GHITM: variants seen among roughly 807,000 people sequenced by gnomAD.
The protein encoded by GHITM is growth hormone inducible transmembrane protein.
In GHITM, 24 loss-of-function variants were observed where a neutral mutation model predicts 38.7. That is an observed-to-expected ratio of 0.62 (90% CI 0.45 to 0.87). The LOEUF (loss-of-function observed/expected upper bound fraction) is 0.87, where lower values mean the gene tolerates loss of function less well. Among genes scored for constraint, GHITM ranks in the 40% least tolerant of loss-of-function variants. The pLI is 0.00. For missense variants in GHITM, 420 were observed against 429.8 expected, an observed-to-expected ratio of 0.98 and a Z score of 0.20; for synonymous variants, 154 against 147.8, an observed-to-expected ratio of 1.04 and a Z score of -0.30.
intron 6 of GHITM, 86 bp from the exon 7 acceptor site, chr10:84,149,969 A>T: frequency 1.9e-6 from 2 of 1,067,410 alleles, no homozygotes; most frequent in Non-Finnish European, 1.3e-6. Flanking sequence ...ACAGTAAGGT[A>T]TAATATAAAG....
intron 4 of GHITM, 139 bp downstream of exon 4, chr10:84,144,245 A>T: frequency 1.8e-6 from 1 of 568,010 alleles, no homozygotes; most frequent in Non-Finnish European, 3.2e-6. Context: ...CAAATAGAGA[A>T]TCTCTTTTTG....
chr10:84,141,562 T>C lies in GHITM; in HGVS notation c.62T>C (p.Phe21Ser). 6.2e-7 allele frequency: 1 copy of C among 1,613,686 alleles called. No individual in the cohort carries two copies. ...CCTTCTAGGGTTTTCCACCCAGCTT[T>C]CACCAAGGCCTCCCCTGTTGTGAAG... ...TLPSRVFHPA[F>S]TKASPVVKNS... Residue 21 changes from phenylalanine to serine, a missense_variant, in exon 2 of 9, where the codon TTC becomes TCC. Transcript: ENST00000372134.
At chr10:84,149,515 A>T (rs1841589883) in intron 6 of GHITM, among the ~76,000 whole-genome samples, 1 of 151,930 alleles carries the variant, frequency 6.6e-6, no homozygotes, top group African/African-American at 2.4e-5. Flanking sequence ...AGTTCCATTT[A>T]CCTTTGTTGA....
chr10:84,147,022 A>G (rs1841563196), intron 5 of GHITM, among the ~76,000 whole-genome samples: 1 of 152,212 alleles, frequency 6.6e-6, no homozygotes, highest in South Asian at 2.1e-4. Flanking sequence ...TCGACCAGAT[A>G]TGGAAGGAGA....
intron 8 of GHITM, among the ~76,000 whole-genome samples, chr10:84,151,717 A>G (rs1378952365): frequency 6.6e-6 from 1 of 152,144 alleles, no homozygotes; most frequent in East Asian, 1.9e-4. Flanking sequence ...GAGTCGACCA[A>G]AGTGGGTTAT....
intron 1 of GHITM, 123 bp from the exon 2 acceptor site, chr10:84,141,339 T>C: frequency 1.7e-6 from 1 of 588,810 alleles, no homozygotes; most frequent in Non-Finnish European, 3.0e-6. Flanking sequence ...GTCGCTTTAT[T>C]TCCTGTTCTA....
chr10:84,144,365 GTTTT>G (rs146207902), intron 4 of GHITM, among the ~76,000 whole-genome samples: 15 of 152,188 alleles, frequency 9.9e-5, no homozygotes, highest in South Asian at 6.2e-4. Flanking sequence ...TTGTTTGTTT[GTTTT>G]TTTGGAGAGA....
Position 84,150,693 on chromosome 10 carries a change from C to T in GHITM, c.782-16C>T, listed in dbSNP as rs757379832. On this transcript the variant is annotated splice_polypyrimidine_tract_variant and intron_variant, in intron 7 of 8. Coordinates refer to ENST00000372134, the MANE Select transcript of GHITM (RefSeq NM_014394.3). ...CCTTTTTTAAAAAAAATCTTGTTTT[C>T]GCATTTTGATTTCAGGATCTATGTT... The T allele has an allele frequency of 4.8e-5, 75 of 1,563,206 alleles. 1 individual carries two copies. The East Asian group carries it at 1.2e-3, about 26-fold the overall frequency.
chr10:84,151,095 C>T (rs1027803488), intron 8 of GHITM, among the ~76,000 whole-genome samples: 3 of 152,144 alleles, frequency 2.0e-5, no homozygotes, highest in Admixed American at 2.0e-4. Flanking sequence ...CTTCTGAGGG[C>T]CCTGAGGGAA....
At position 84,150,843 on chromosome 10, in the gene GHITM, C is replaced by A. The variant is rs1589277410; in HGVS notation, c.916C>A (p.Pro306Thr). 1.2e-6 allele frequency: 2 copies of A among 1,610,640 alleles called. No homozygotes were observed. Among genetic ancestry groups the A allele is most frequent in the Non-Finnish European group, 1.7e-6 (2 of 1,177,394 alleles). ...QKVIKRAEVS[P>T]MYGVQKYDPI... is the part of the protein sequence containing the mutation. ...AGTAATCAAGCGTGCAGAAGTATCA[C>A]CAATGTATGGAGTTCAAAAATATGA... Residue 306 changes from proline (P) to threonine (T), a missense_variant, in exon 8 of 9, where the codon CCA (proline) becomes ACA (threonine). Transcript: ENST00000372134.
intron 8 of GHITM, 118 bp downstream of exon 8, chr10:84,150,998 C>T (rs996791585): frequency 1.3e-5 from 8 of 636,234 alleles, no homozygotes; most frequent in South Asian, 4.5e-5. Flanking sequence ...AACAAAGTAT[C>T]GCAGACTGGG....
chr10:84,152,219 T>G (rs1416511392), intron 8 of GHITM, 45 bp from the exon 9 acceptor site: 1 of 854,264 alleles, frequency 1.2e-6, no homozygotes, highest in Non-Finnish European at 1.9e-6. Flanking sequence ...TCAACATCAC[T>G]ATTAGAATTG....
intron 5 of GHITM, among the ~76,000 whole-genome samples, chr10:84,147,304 C>T (rs1841566132): frequency 6.6e-6 from 1 of 152,128 alleles, no homozygotes; most frequent in Admixed American, 6.5e-5. Context: ...CTATGTTTGC[C>T]TAGGCTTGGC....
intron 5 of GHITM, among the ~76,000 whole-genome samples, chr10:84,146,382 G>A (rs1326223632): frequency 2.0e-5 from 3 of 152,220 alleles, no homozygotes; most frequent in African/African-American, 7.2e-5. Flanking sequence ...TGAAATGAGG[G>A]ATGATAAGAA....
Position 84,143,905 on chromosome 10 carries a change from T to C in GHITM, c.230-90T>C, listed in dbSNP as rs996059142. 1.1e-5 allele frequency: 10 copies of C among 910,126 alleles called. No individual in the cohort carries two copies. In the African/African-American group the frequency reaches 1.1e-4, roughly 10 times the overall value. 56.4% of individuals were successfully genotyped at this position (910,126 alleles called of 1,614,324 possible). A position where few individuals can be genotyped will look rare whatever the true frequency, so the allele number is the denominator to read the frequency against. On this transcript the variant is annotated intron_variant, in intron 3 of 8. Coordinates refer to ENST00000372134, the MANE Select transcript of GHITM (RefSeq NM_014394.3). ...CACTGATTATGGCTTCTATTAAATA[T>C]GGTACATGATTTGATTCCCTTGATA...
intron 1 of GHITM, chr10:84,140,513 G>A (rs1841496031): frequency 6.6e-6 from 1 of 152,208 alleles, no homozygotes; most frequent in Admixed American, 6.5e-5. Context: ...CAACGCTGTA[G>A]TCTGAACACG....
At chr10:84,150,915 G>C (rs1173204781) in intron 8 of GHITM, 35 bp downstream of exon 8, 1 of 1,407,724 alleles carries the variant, frequency 7.1e-7, no homozygotes, top group South Asian at 1.2e-5. Context: ...CTGTTACTCT[G>C]TCACATAAGG....
Position 84,141,499 on chromosome 10 carries a change from C to T in GHITM, c.-2C>T. 6.2e-7 allele frequency: 1 copy of T among 1,613,790 alleles called. No individual in the cohort carries two copies. Among genetic ancestry groups the T allele is most frequent in the Non-Finnish European group, 8.5e-7 (1 of 1,179,790 alleles). On this transcript the variant is annotated 5_prime_UTR_variant, in exon 2 of 9. Coordinates refer to ENST00000372134, the MANE Select transcript of GHITM (RefSeq NM_014394.3). ...GCTCGGTAGACCTGGTGCACCACCA[C>T]CATGTTGGCTGCAAGGCTGGTGTGT... is the stretch of plus-strand genomic sequence containing the variant.
At chr10:84,149,861 G>C (rs573122397) in intron 6 of GHITM, among the ~76,000 whole-genome samples, 194 bp from the exon 7 acceptor site, 3 of 152,202 alleles carry the variant, frequency 2.0e-5, no homozygotes, top group African/African-American at 7.2e-5. Flanking sequence ...TAGTGTTAAT[G>C]TTGTGATATA....
Sources: gnomAD v4.1 joint callset for allele counts (sites outside exome capture counted in the v4.1 genomes callset) on GRCh38, gnomAD v4.1.1 for gene constraint, MANE v1.5 for transcripts, NCBI Gene and HGNC (gene_info 2026-07-23, HGNC 2026-07-21) for gene names.